Variants in VCL observed in about 807,000 individuals in gnomAD.
The protein encoded by VCL is vinculin.
Under a neutral mutation model 125.7 loss-of-function variants are expected in VCL, and 47 were observed. The ratio of observed to expected loss-of-function variants is 0.37; its 90% CI spans 0.30 to 0.48. VCL has a LOEUF of 0.48. Among genes scored for constraint, VCL ranks in the 20% least tolerant of loss-of-function variants. The pLI is 0.99. For synonymous variants in VCL, 458 were observed against 514.6 expected (o/e 0.89, Z 1.49); for missense variants, 1,069 against 1,455.5 (o/e 0.73, Z 4.32).
chr10:74,077,781 C>G, intron 6 of VCL: 1 of 453,130 alleles, frequency 2.2e-6, no homozygotes, highest in Non-Finnish European at 4.4e-6. Context: ...AAAAGTGCGT[C>G]TTGCCGAATA....
intron 20 of VCL, 98 bp downstream of exon 20, chr10:74,114,485 G>A: frequency 1.4e-6 from 2 of 1,449,664 alleles, no homozygotes; most frequent in Non-Finnish European, 9.4e-7. Flanking sequence ...AGAAAAGCAG[G>A]AGAGAAAAAC....
At chr10:74,004,695 ATTTCTTTTCT>A (rs71524369) in intron 1 of VCL, among the ~76,000 whole-genome samples, 1 of 150,176 alleles carries the variant, frequency 6.7e-6, no homozygotes, top group African/African-American at 2.4e-5. Flanking sequence ...ATTTCATAGC[ATTTCTTTTCT>A]TTTCTTTTTT....
chr10:74,066,530 G>A (rs1437475296), intron 2 of VCL, among the ~76,000 whole-genome samples: 1 of 152,054 alleles, frequency 6.6e-6, no homozygotes, highest in East Asian at 1.9e-4. Context: ...GCTTAGGTAT[G>A]TATACATATA....
intron 2 of VCL, among the ~76,000 whole-genome samples, chr10:74,065,130 C>T (rs963848370): frequency 9.3e-5 from 14 of 151,056 alleles, no homozygotes; most frequent in Admixed American, 2.0e-4. Flanking sequence ...AATGTATAAT[C>T]CCAGCACTTT....
At chr10:74,064,336 T>C (rs1005720155) in intron 2 of VCL, among the ~76,000 whole-genome samples, 2 of 152,150 alleles carry the variant, frequency 1.3e-5, no homozygotes, top group Non-Finnish European at 2.9e-5. Flanking sequence ...CCTTGATGTT[T>C]CTGGAACCAG....
At chr10:74,085,224 T>A (rs1839751134) in intron 8 of VCL, among the ~76,000 whole-genome samples, 2 of 152,222 alleles carry the variant, frequency 1.3e-5, no homozygotes, top group African/African-American at 4.8e-5. Context: ...TGCCTAATAG[T>A]AAAGTTGAAA....
chr10:74,019,896 C>T (rs1216480931), intron 1 of VCL, among the ~76,000 whole-genome samples: 2 of 151,984 alleles, frequency 1.3e-5, no homozygotes, highest in Non-Finnish European at 2.9e-5. Flanking sequence ...AACCCTTTCT[C>T]TACTAAAAAT....
chr10:74,029,877 A>C (rs918633580), intron 1 of VCL, among the ~76,000 whole-genome samples: 4 of 152,198 alleles, frequency 2.6e-5, no homozygotes, highest in Non-Finnish European at 4.4e-5. Flanking sequence ...CTCTGGAAAA[A>C]GTATAGAAAA....
At chr10:74,016,923 G>A (rs1356567833) in intron 1 of VCL, 1 of 151,662 alleles carries the variant, frequency 6.6e-6, no homozygotes, top group African/African-American at 2.4e-5. Flanking sequence ...ATAACATATA[G>A]TATATGATAT....
chr10:74,030,822 A>G (rs1840861203), intron 1 of VCL, among the ~76,000 whole-genome samples: 1 of 152,180 alleles, frequency 6.6e-6, no homozygotes, highest in Admixed American at 6.5e-5. Context: ...TTGGAACGCT[A>G]AGCTTGTGGG....
In VCL at chr10:74,095,866, G is replaced by A; in HGVS notation, c.1743+11G>A. 1 of 1,612,492 alleles carries A rather than the reference G, an allele frequency of 6.2e-7. No homozygotes were observed. The highest frequency in any genetic ancestry group is 8.5e-7 in the Non-Finnish European group (1 of 1,179,954). ...CAAGACTCCTTAAAGGTAGAAGTCA[G>A]GAGCACATATCATTTTACTTTTTAT... On this transcript the variant is annotated intron_variant, in intron 12 of 21. Coordinates refer to ENST00000211998, the MANE Select transcript of VCL (RefSeq NM_014000.3).
chr10:73,998,462 G>T (rs1840158942), intron 1 of VCL, 87 bp downstream of exon 1: 2 of 1,252,676 alleles, frequency 1.6e-6, no homozygotes, highest in Admixed American at 4.3e-5. Context: ...TGGCCGGCTC[G>T]CTGGCCGTGG....
At chr10:74,058,465 A>G (rs1157638127) in intron 2 of VCL, among the ~76,000 whole-genome samples, 3 of 152,202 alleles carry the variant, frequency 2.0e-5, no homozygotes, top group Non-Finnish European at 4.4e-5. Flanking sequence ...ACTCTTAGGC[A>G]AACAATGCAT....
chr10:74,093,864 C>G (rs2131913832), intron 10 of VCL, among the ~76,000 whole-genome samples: 1 of 152,260 alleles, frequency 6.6e-6, no homozygotes, highest in South Asian at 2.1e-4. Context: ...AATTAGGACT[C>G]AAAAGATAGT....
At chr10:74,072,198 A>T (rs537971930) in intron 4 of VCL, among the ~76,000 whole-genome samples, 1 of 152,190 alleles carries the variant, frequency 6.6e-6, no homozygotes, top group East Asian at 1.9e-4. Flanking sequence ...CCCTATAATT[A>T]TTTTTATAAT....
At chr10:74,081,799 C>T (rs1315713279) in intron 6 of VCL, among the ~76,000 whole-genome samples, 1 of 152,086 alleles carries the variant, frequency 6.6e-6, no homozygotes, top group East Asian at 1.9e-4. Context: ...CATCTTCTTC[C>T]AGGTGAGGGA....
At position 74,082,486 on chromosome 10, in the gene VCL, C is replaced by T; in HGVS notation, c.816C>T (p.Ser272=). Residue 272 remains serine, a synonymous_variant, in exon 7 of 22, where the codon TCC becomes TCT. Coordinates refer to ENST00000211998, the MANE Select transcript of VCL (RefSeq NM_014000.3). ...AAGCCATGAAGAGAGCATTGGCCTC[C>T]ATAGACTCCAAACTGAACCAGGCCA... The part of the protein sequence containing the change: ...DTEAMKRALA[S]IDSKLNQAKG... 1 of 1,614,108 alleles carries T rather than the reference C, an allele frequency of 6.2e-7. No homozygotes were observed. Among genetic ancestry groups the T allele is most frequent in the Non-Finnish European group, 8.5e-7 (1 of 1,180,004 alleles).
intron 10 of VCL, among the ~76,000 whole-genome samples, chr10:74,092,934 G>A (rs1306671737): frequency 2.6e-5 from 4 of 152,148 alleles, no homozygotes; most frequent in Non-Finnish European, 5.9e-5. Context: ...TGTCCTTGAG[G>A]TAGATAACCA....
Position 74,032,671 on chromosome 10 carries a change from G to A in VCL, c.169-10412G>A, listed in dbSNP as rs1372494186. ...GCCCAGATTGCACCACTGTACTCCG[G>A]CCTGGGTAACAAAGTAAGTCTCGGT... On this transcript the variant is annotated intron_variant, in intron 1 of 21. Transcript: ENST00000211998. Among the ~76,000 whole-genome samples the A allele has an allele frequency of 2.0e-5, 3 of 148,768 alleles. No homozygotes were observed. In the East Asian group the frequency reaches 5.9e-4, roughly 29 times the overall value.
Sources: gnomAD v4.1 joint callset for allele counts (sites outside exome capture counted in the v4.1 genomes callset) on GRCh38, gnomAD v4.1.1 for gene constraint, MANE v1.5 for transcripts, NCBI Gene and HGNC (gene_info 2026-07-23, HGNC 2026-07-21) for gene names.